The following KIAA1328 variants were observed in gnomAD, a reference collection of about 807,000 sequenced individuals.
KIAA1328 encodes the protein KIAA1328, also known as protein hinderin.
In KIAA1328, 52 loss-of-function variants were observed where a neutral mutation model predicts 68.1. That is an observed-to-expected ratio of 0.76 (90% CI 0.61 to 0.96). KIAA1328 has a LOEUF of 0.96. Among genes scored for constraint, KIAA1328 ranks in the 40% least tolerant of loss-of-function variants. The pLI is 0.00. For synonymous variants in KIAA1328, 232 were observed against 239.4 expected (o/e 0.97, Z 0.28); for missense variants, 641 against 677.6 (o/e 0.95, Z 0.60).
chr18:37,022,220 C>T (rs901952848), intron 6 of KIAA1328, among the ~76,000 whole-genome samples: 3 of 152,008 alleles, frequency 2.0e-5, no homozygotes, highest in African/African-American at 7.2e-5. Context: ...AAGAATTGTC[C>T]ATTTCTCTTT....
At chr18:37,178,037 GT>G (rs1166255122) in intron 9 of KIAA1328, among the ~76,000 whole-genome samples, 19 of 151,628 alleles carry the variant, frequency 1.3e-4, no homozygotes, top group East Asian at 9.8e-4. Flanking sequence ...AGTAATTGTG[GT>G]TTTTTTTCTA....
chr18:37,106,438 T>TTG (rs2057777692), intron 7 of KIAA1328, among the ~76,000 whole-genome samples: 3 of 151,644 alleles, frequency 2.0e-5, no homozygotes, highest in African/African-American at 7.3e-5. Flanking sequence ...TTTTTTTTTT[T>TTG]GAGACAGTCT....
intron 6 of KIAA1328, among the ~76,000 whole-genome samples, chr18:37,066,246 G>A (rs140081718): frequency 1.1e-4 from 17 of 152,264 alleles, no homozygotes; most frequent in East Asian, 5.8e-4. Context: ...CTTTCTGCCC[G>A]AGTTCTATCA....
At chr18:36,938,685 A>G (rs1015554920) in intron 5 of KIAA1328, among the ~76,000 whole-genome samples, 3 of 152,122 alleles carry the variant, frequency 2.0e-5, no homozygotes, top group Admixed American at 6.5e-5. Flanking sequence ...AATTTCCTCT[A>G]TGTTTTCTTC....
Position 36,925,774 on chromosome 18 carries a change from A to G in KIAA1328, c.449-33534A>G, listed in dbSNP as rs141904256. On this transcript the variant is annotated intron_variant, in intron 5 of 9. Coordinates refer to ENST00000280020, the MANE Select transcript of KIAA1328 (RefSeq NM_020776.3). ...GACTGGTCTCAAACTCTTGGCCACA[A>G]GTGATCCTTCCACCTCAGCCTCCCG... 1.3e-3 allele frequency among the ~76,000 whole-genome samples: 205 copies of G among 152,108 alleles called. 1 individual carries two copies. Among genetic ancestry groups the G allele is most frequent in the Non-Finnish European group, 2.6e-3 (175 of 67,996 alleles).
At chr18:37,181,594 G>A (rs1439921960) in intron 9 of KIAA1328, among the ~76,000 whole-genome samples, 1 of 152,158 alleles carries the variant, frequency 6.6e-6, no homozygotes, top group African/African-American at 2.4e-5. Context: ...AAATAGGCTA[G>A]GCAGAAATAA....
intron 5 of KIAA1328, among the ~76,000 whole-genome samples, chr18:36,904,292 C>A (rs1598657427): frequency 1.3e-5 from 2 of 152,040 alleles, no homozygotes. Context: ...TTGATTTTCA[C>A]CTACTTGTTG....
chr18:36,887,744 A>G (rs529501223), intron 5 of KIAA1328, among the ~76,000 whole-genome samples: 2 of 152,328 alleles, frequency 1.3e-5, no homozygotes, highest in South Asian at 4.1e-4. Context: ...AAGACTGGAA[A>G]TGAATTCAGC....
Position 37,112,697 on chromosome 18 carries a change from T to G in KIAA1328, c.1232+45152T>G, listed in dbSNP as rs895799290. Among the ~76,000 whole-genome samples, 4 of 152,058 alleles carry G rather than the reference T, an allele frequency of 2.6e-5. No homozygotes were observed. The East Asian group carries it at 5.8e-4, about 22-fold the overall frequency. On this transcript the variant is annotated intron_variant, in intron 7 of 9. Coordinates refer to ENST00000280020, the MANE Select transcript of KIAA1328 (RefSeq NM_020776.3). The stretch of plus-strand genomic sequence containing the variant: ...GAAGAAGGCTTCAGAAGATCGGTAA[T>G]AACAAACCTCTCCAAGTGAAAGGAG...
chr18:36,975,434 G>A (rs908300298), intron 6 of KIAA1328, among the ~76,000 whole-genome samples: 13 of 151,938 alleles, frequency 8.6e-5, no homozygotes, highest in East Asian at 1.9e-4. Flanking sequence ...CGCCCGCCTC[G>A]GCCTCCCAAA....
At chr18:37,026,444 C>A (rs528428704) in intron 6 of KIAA1328, among the ~76,000 whole-genome samples, 5 of 152,276 alleles carry the variant, frequency 3.3e-5, no homozygotes, top group South Asian at 4.1e-4. Flanking sequence ...AGACCAATAT[C>A]CCTGATGAAC....
At chr18:37,143,350 CTA>C (rs1325011977) in intron 7 of KIAA1328, among the ~76,000 whole-genome samples, 1 of 152,068 alleles carries the variant, frequency 6.6e-6, no homozygotes, top group Non-Finnish European at 1.5e-5. Flanking sequence ...TATAGAAAGA[CTA>C]TTGGTTTTTG....
intron 7 of KIAA1328, 106 bp from the exon 8 acceptor site, chr18:37,160,094 G>A: frequency 1.2e-6 from 1 of 809,000 alleles, no homozygotes; most frequent in South Asian, 2.6e-5. Flanking sequence ...GTAAGATAAA[G>A]AGAGTTCTTA....
intron 6 of KIAA1328, among the ~76,000 whole-genome samples, chr18:37,043,016 G>A (rs1462900808): frequency 6.6e-6 from 1 of 151,500 alleles, no homozygotes; most frequent in Non-Finnish European, 1.5e-5. Context: ...TTCTGCTGTT[G>A]AGACCACCTT....
intron 6 of KIAA1328, among the ~76,000 whole-genome samples, chr18:37,016,924 G>C (rs537379561): frequency 2.8e-4 from 42 of 152,042 alleles, no homozygotes; most frequent in African/African-American, 9.6e-4. Flanking sequence ...CCAATGTTTG[G>C]TTTCATCAAT....
At chr18:37,047,232 G>T (rs543242014) in intron 6 of KIAA1328, among the ~76,000 whole-genome samples, 1 of 152,250 alleles carries the variant, frequency 6.6e-6, no homozygotes, top group Admixed American at 6.5e-5. Context: ...TGTTAGTTTT[G>T]TGGTCTATTG....
chr18:36,990,688 ATATT>A, intron 6 of KIAA1328, among the ~76,000 whole-genome samples: 1 of 151,572 alleles, frequency 6.6e-6, no homozygotes, highest in South Asian at 2.1e-4. Flanking sequence ...ATATATATAT[ATATT>A]TGTGTTTTTT....
intron 6 of KIAA1328, among the ~76,000 whole-genome samples, chr18:37,015,746 TTGTG>T (rs1307753544): frequency 6.6e-6 from 1 of 152,184 alleles, no homozygotes; most frequent in East Asian, 1.9e-4. Context: ...AGGTATCTTT[TTGTG>T]TGTATGAGGC....
chr18:36,976,091 T>C lies in KIAA1328; in HGVS notation c.576+16656T>C, dbSNP rs1427305232. On this transcript the variant is annotated intron_variant, in intron 6 of 9. Coordinates refer to ENST00000280020, the MANE Select transcript of KIAA1328 (RefSeq NM_020776.3). The stretch of plus-strand genomic sequence containing the variant: ...GAACTTTCTGATGATGTAACTGTCC[T>C]GTCTGTGCATTGTCCAATATGATAG... 3.3e-5 allele frequency among the ~76,000 whole-genome samples: 5 copies of C among 152,238 alleles called. No homozygotes were observed. In the South Asian group the frequency reaches 6.2e-4, roughly 19 times the overall value.
Sources: gnomAD v4.1 joint callset for allele counts (sites outside exome capture counted in the v4.1 genomes callset) on GRCh38, gnomAD v4.1.1 for gene constraint, MANE v1.5 for transcripts, NCBI Gene and HGNC (gene_info 2026-07-23, HGNC 2026-07-21) for gene names.